The following WDR41 variants were observed in gnomAD, a reference collection of about 807,000 sequenced individuals.
WDR41 encodes the protein WD repeat domain 41.
Under a neutral mutation model 69.3 loss-of-function variants are expected in WDR41, and 63 were observed. The observed-to-expected ratio is 0.91, with a 90% CI of 0.74 to 1.12. The LOEUF is 1.12. Ranked by LOEUF, WDR41 falls within the 50% of genes most tolerant of loss-of-function variation. The probability of loss-of-function intolerance (pLI) is 0.00; values close to 1 mark genes in which losing one functional copy is unlikely to be tolerated. For synonymous variants in WDR41, 185 were observed against 192.1 expected (o/e 0.96, Z 0.31); for missense variants, 543 against 534.5 (o/e 1.02, Z -0.16).
At chr5:77,478,792 TC>T (rs1266904199) in intron 2 of WDR41, among the ~76,000 whole-genome samples, 6 of 150,436 alleles carry the variant, frequency 4.0e-5, no homozygotes, top group Non-Finnish European at 8.9e-5. Flanking sequence ...CTCTCACCAC[TC>T]CTATTCAACA....
At chr5:77,453,623 TCTC>T (rs1799709485) in intron 6 of WDR41, among the ~76,000 whole-genome samples, 191 bp downstream of exon 6, 1 of 152,134 alleles carries the variant, frequency 6.6e-6, no homozygotes, top group Admixed American at 6.5e-5. Flanking sequence ...AGTGGAGTCT[TCTC>T]CTCCTGATTC....
chr5:77,615,062 G>T (rs575688442), intron 1 of WDR41, among the ~76,000 whole-genome samples: 14 of 152,266 alleles, frequency 9.2e-5, no homozygotes, highest in African/African-American at 3.4e-4. Flanking sequence ...AGCAGGGATT[G>T]ACTGCAAATG....
At chr5:77,445,676 CAT>C (rs1302894607) in intron 8 of WDR41, among the ~76,000 whole-genome samples, 1 of 152,174 alleles carries the variant, frequency 6.6e-6, no homozygotes, top group South Asian at 2.1e-4. Flanking sequence ...ACAAAAACCA[CAT>C]GATTATCTTA....
At chr5:77,555,461 ACCACACC>A (rs1398701397) in intron 1 of WDR41, among the ~76,000 whole-genome samples, 1 of 152,054 alleles carries the variant, frequency 6.6e-6, no homozygotes, top group African/African-American at 2.4e-5. Flanking sequence ...GGTGCACACC[ACCACACC>A]CAGCTAATTG....
At chr5:77,512,637 C>A (rs1248507476) in intron 1 of WDR41, among the ~76,000 whole-genome samples, 1 of 150,872 alleles carries the variant, frequency 6.6e-6, no homozygotes, top group African/African-American at 2.4e-5. Context: ...GTAGTCCCAG[C>A]TACTCAGGAG....
intron 5 of WDR41, among the ~76,000 whole-genome samples, chr5:77,455,765 G>C (rs1414993937): frequency 6.6e-6 from 1 of 152,132 alleles, no homozygotes; most frequent in Non-Finnish European, 1.5e-5. Context: ...GGCTATGTGA[G>C]ACTTTACTTC....
At chr5:77,445,276 G>C (rs1799334919) in intron 8 of WDR41, among the ~76,000 whole-genome samples, 2 of 152,130 alleles carry the variant, frequency 1.3e-5, no homozygotes. Flanking sequence ...TGAAATTGAG[G>C]CAGTAATTAA....
chr5:77,604,987 C>T (rs1205277290), intron 1 of WDR41, among the ~76,000 whole-genome samples: 1 of 151,070 alleles, frequency 6.6e-6, no homozygotes, highest in African/African-American at 2.5e-5. Flanking sequence ...ACACAGGAAA[C>T]ATAACAATGA....
intron 1 of WDR41, among the ~76,000 whole-genome samples, chr5:77,516,797 T>C (rs1038654511): frequency 6.6e-6 from 1 of 151,962 alleles, no homozygotes; most frequent in Non-Finnish European, 1.5e-5. Flanking sequence ...GGCGGGTGGA[T>C]CACGAGGTCA....
intron 5 of WDR41, 87 bp downstream of exon 5, chr5:77,458,975 A>G (rs1015487354): frequency 6.1e-5 from 59 of 963,916 alleles, no homozygotes; most frequent in Non-Finnish European, 8.4e-5. Flanking sequence ...TAAGACCCAC[A>G]AAAGTAATTT....
At chr5:77,443,477 A>G (rs1799254344) in intron 8 of WDR41, among the ~76,000 whole-genome samples, 1 of 152,208 alleles carries the variant, frequency 6.6e-6, no homozygotes, top group Non-Finnish European at 1.5e-5. Flanking sequence ...GTAGATTATT[A>G]ATATCTAATT....
At chr5:77,483,402 G>A (rs918156709) in intron 2 of WDR41, among the ~76,000 whole-genome samples, 6 of 151,938 alleles carry the variant, frequency 3.9e-5, no homozygotes, top group African/African-American at 1.5e-4. Flanking sequence ...GCCTCCCAAA[G>A]TGTTAGGATT....
intron 1 of WDR41, among the ~76,000 whole-genome samples, chr5:77,548,289 A>C (rs1743234021): frequency 6.6e-6 from 1 of 152,244 alleles, no homozygotes; most frequent in African/African-American, 2.4e-5. Flanking sequence ...GCTGGGACTT[A>C]ATTAAACTAA....
rs534637437 is a variant in WDR41, at chr5:77,541,398, T to C, written c.43-51826A>G. Reference sequence around the variant, plus strand: ...AGAGAAATGCAAATCAAAACCATAATGAGATACCATCTCATGTCAGTCATA... The same window carrying C: ...AGAGAAATGCAAATCAAAACCATAACGAGATACCATCTCATGTCAGTCATA... On this transcript the variant is annotated intron_variant, in intron 1 of 5. Transcript: ENST00000509971. Among the ~76,000 whole-genome samples, 9 of 150,624 alleles carry C rather than the reference T, an allele frequency of 6.0e-5. 1 individual carries two copies. The South Asian group carries it at 1.0e-3, about 17-fold the overall frequency.
intron 1 of WDR41, among the ~76,000 whole-genome samples, chr5:77,603,070 T>C (rs770520974): frequency 2.6e-5 from 4 of 152,002 alleles, no homozygotes; most frequent in African/African-American, 4.8e-5. Context: ...CCCGAGTAGC[T>C]GGGACTACAG....
intron 1 of WDR41, chr5:77,582,546 T>C: frequency 1.9e-6 from 3 of 1,599,312 alleles, no homozygotes; most frequent in Non-Finnish European, 2.5e-6. Flanking sequence ...CAAAGCACTA[T>C]CACAAGGAAT....
At chr5:77,479,734 A>C (rs1158674263) in intron 2 of WDR41, among the ~76,000 whole-genome samples, 2 of 152,200 alleles carry the variant, frequency 1.3e-5, no homozygotes, top group Non-Finnish European at 2.9e-5. Flanking sequence ...AAGAAAACCT[A>C]ACCATTACCA....
In WDR41 at chr5:77,481,652, G is replaced by C. The variant is rs569272284; in HGVS notation, c.167+7805C>G. On this transcript the variant is annotated intron_variant, in intron 2 of 12. Transcript: ENST00000296679. ...ATACAAAAATTAGCTCGGTGTGGTG[G>C]CACATGCCTGTAGTCCCAGCTACTC... Among the ~76,000 whole-genome samples the C allele has an allele frequency of 3.4e-4, 51 of 152,112 alleles. 1 individual carries two copies. The highest frequency in any genetic ancestry group is 1.6e-4 in the Non-Finnish European group (11 of 68,002).
chr5:77,448,575 T>G (rs1264202809), intron 8 of WDR41, among the ~76,000 whole-genome samples: 3 of 151,920 alleles, frequency 2.0e-5, no homozygotes, highest in Non-Finnish European at 4.4e-5. Flanking sequence ...AAATACTGCT[T>G]AAAAACAAAG....
Sources: allele counts gnomAD v4.1 joint callset (sites outside exome capture counted in the v4.1 genomes callset), GRCh38; gene constraint gnomAD v4.1.1; transcripts MANE v1.5; gene names NCBI Gene and HGNC (gene_info 2026-07-23, HGNC 2026-07-21).